Variants in PCBP3 observed in about 807,000 individuals in gnomAD.
PCBP3 encodes poly(rC)-binding protein 3.
A neutral mutation model predicts 52.7 loss-of-function variants in PCBP3; 25 were observed. The ratio of observed to expected loss-of-function variants is 0.47; its 90% CI spans 0.35 to 0.66. The LOEUF is 0.66. PCBP3 is among the 30% of genes least tolerant of loss of function. The pLI is 0.01. For missense variants in PCBP3, 391 were observed against 490.3 expected, an observed-to-expected ratio of 0.80 and a Z score of 1.91; for synonymous variants, 162 against 183.0, an observed-to-expected ratio of 0.89 and a Z score of 0.93.
chr21:45,684,640 C>A (rs1459448385), intron 2 of PCBP3, among the ~76,000 whole-genome samples: 2 of 152,176 alleles, frequency 1.3e-5, no homozygotes, highest in South Asian at 2.1e-4. Context: ...GTTCCTCTTT[C>A]ACCTTCCACC....
chr21:45,887,238 A>T (rs1483806794), intron 5 of PCBP3, among the ~76,000 whole-genome samples: 1 of 152,196 alleles, frequency 6.6e-6, no homozygotes, highest in African/African-American at 2.4e-5. Flanking sequence ...TTTGTTGTGG[A>T]TACAATATCC....
intron 2 of PCBP3, among the ~76,000 whole-genome samples, chr21:45,696,226 G>A (rs976134593): frequency 2.6e-5 from 4 of 151,884 alleles, no homozygotes; most frequent in East Asian, 3.9e-4. Flanking sequence ...ATATAGTAAC[G>A]CTGCTAGAGG....
intron 4 of PCBP3, among the ~76,000 whole-genome samples, chr21:45,843,457 T>C (rs1273737851): frequency 6.6e-6 from 1 of 152,252 alleles, no homozygotes; most frequent in African/African-American, 2.4e-5. Context: ...CTGTGGATAC[T>C]TTCTGTTCTT....
At chr21:45,647,062 TAA>T (rs60171120) in intron 1 of PCBP3, among the ~76,000 whole-genome samples, 3 of 150,548 alleles carry the variant, frequency 2.0e-5, no homozygotes, top group Admixed American at 1.3e-4. Flanking sequence ...AGGTTAGCAG[TAA>T]AAAAAAAACA....
At chr21:45,856,107 C>T (rs2094284679) in intron 5 of PCBP3, among the ~76,000 whole-genome samples, 1 of 152,202 alleles carries the variant, frequency 6.6e-6, no homozygotes, top group African/African-American at 2.4e-5. Context: ...AAGTTTGCAT[C>T]TGTAAAGAAC....
chr21:45,825,100 C>T (rs2093271246), intron 4 of PCBP3, among the ~76,000 whole-genome samples: 1 of 152,184 alleles, frequency 6.6e-6, no homozygotes, highest in Admixed American at 6.5e-5. Flanking sequence ...AGCAGGTGTC[C>T]CTGCATTGGC....
At chr21:45,714,222 C>A (rs1389649745) in intron 2 of PCBP3, among the ~76,000 whole-genome samples, 2 of 152,194 alleles carry the variant, frequency 1.3e-5, no homozygotes, top group Non-Finnish European at 2.9e-5. Context: ...TGGGACTCTC[C>A]CATCAACTCC....
At chr21:45,909,554 C>T in intron 10 of PCBP3, 68 bp downstream of exon 10, 1 of 1,521,248 alleles carries the variant, frequency 6.6e-7, no homozygotes, top group Non-Finnish European at 9.0e-7. Context: ...TGGCCACAGG[C>T]CAGGCAGCCT....
Position 45,785,482 on chromosome 21 carries a change from G to A in PCBP3, c.-126+30030G>A, listed in dbSNP as rs1268257380. Among the ~76,000 whole-genome samples the A allele has an allele frequency of 7.6e-4, 96 of 126,964 alleles. 5 individuals carry two copies. Among genetic ancestry groups the A allele is most frequent in the African/African-American group, 3.0e-3 (91 of 30,192 alleles). The allele number at this position is 126,964 out of a possible 152,430, so 83.3% of individuals were successfully genotyped here. On this transcript the variant is annotated intron_variant, in intron 4 of 17. Transcript: ENST00000681687. ...GAGGAGGTGGGGGGGTCAGCCCCCC[G>A]CCTGGCCAGCCGCCCCGTCCGGGAG...
At chr21:45,743,212 A>T (rs940011498) in intron 3 of PCBP3, among the ~76,000 whole-genome samples, 1 of 152,188 alleles carries the variant, frequency 6.6e-6, no homozygotes, top group Non-Finnish European at 1.5e-5. Flanking sequence ...TTAACATTAT[A>T]TAGGAAAACT....
intron 4 of PCBP3, among the ~76,000 whole-genome samples, chr21:45,799,041 G>C (rs960301295): frequency 1.3e-5 from 2 of 151,422 alleles, no homozygotes; most frequent in Non-Finnish European, 2.9e-5. Context: ...ATGAATGCAT[G>C]GATCTGTAGA....
intron 5 of PCBP3, chr21:45,871,464 C>T (rs1176906013): frequency 6.5e-6 from 1 of 153,352 alleles, no homozygotes; most frequent in Non-Finnish European, 1.5e-5. Context: ...CACCTCCTCT[C>T]CAGGACCCCA....
At chr21:45,922,502 C>A (rs535380605) in intron 13 of PCBP3, among the ~76,000 whole-genome samples, 1 of 152,170 alleles carries the variant, frequency 6.6e-6, no homozygotes, top group Non-Finnish European at 1.5e-5. Context: ...CTGTAGTGAG[C>A]AGAGATTGCA....
In PCBP3 at chr21:45,766,948, C is replaced by G. The variant is rs559722202; in HGVS notation, c.-126+11496C>G. ...ATCATTACAGTCTGTCAGACACTGA[C>G]TAGAAACATGTTCACTTTCACACAC... On this transcript the variant is annotated intron_variant, in intron 4 of 17. Transcript: ENST00000681687. Among the ~76,000 whole-genome samples the G allele has an allele frequency of 1.4e-4, 21 of 152,294 alleles. 1 individual carries two copies. The highest frequency in any genetic ancestry group is 4.6e-4 in the African/African-American group (19 of 41,542).
rs539996774 is a variant in PCBP3, at chr21:45,868,299, A to C, written c.10+18204A>C. Among the ~76,000 whole-genome samples the C allele has an allele frequency of 2.0e-3, 312 of 152,242 alleles. 2 individuals are homozygous for C. The highest frequency in any genetic ancestry group is 7.2e-3 in the African/African-American group (298 of 41,532). ...GGCTTCCTCTGTCTGCGCGGTTTTC[A>C]GAGCCCCAGGGTCCTGCCTGCCCGG... On this transcript the variant is annotated intron_variant, in intron 5 of 17. Transcript: ENST00000681687.
At chr21:45,890,398 T>C (rs1336824573) in intron 5 of PCBP3, among the ~76,000 whole-genome samples, 1 of 151,776 alleles carries the variant, frequency 6.6e-6, no homozygotes, top group Non-Finnish European at 1.5e-5. Flanking sequence ...CTGAGGGGAA[T>C]GTAGATAATA....
At chr21:45,937,042 C>T (rs2076962660) in intron 16 of PCBP3, among the ~76,000 whole-genome samples, 1 of 152,218 alleles carries the variant, frequency 6.6e-6, no homozygotes, top group Non-Finnish European at 1.5e-5. Context: ...GGGGATGTAT[C>T]TGGGCTGCAC....
At chr21:45,911,275 G>A (rs926382208) in intron 11 of PCBP3, 25 of 572,408 alleles carry the variant, frequency 4.4e-5, no homozygotes, top group East Asian at 3.2e-5. Context: ...GTGGAGAGGA[G>A]GGAGCCTCTC....
chr21:45,769,201 C>T (rs1302214321), intron 4 of PCBP3, among the ~76,000 whole-genome samples: 1 of 152,248 alleles, frequency 6.6e-6, no homozygotes, highest in Non-Finnish European at 1.5e-5. Flanking sequence ...CCCCACAAGA[C>T]ACTGTGGGTG....
Sources: gnomAD v4.1 joint callset for allele counts (sites outside exome capture counted in the v4.1 genomes callset) on GRCh38, gnomAD v4.1.1 for gene constraint, MANE v1.5 for transcripts, NCBI Gene and HGNC (gene_info 2026-07-23, HGNC 2026-07-21) for gene names.